LRP1B: variants seen among roughly 807,000 people sequenced by gnomAD.
The protein encoded by LRP1B is low-density lipoprotein receptor-related protein 1B.
A neutral mutation model predicts 556.6 loss-of-function variants in LRP1B; 217 were observed. The observed-to-expected ratio is 0.39, with a 90% CI of 0.35 to 0.44. The LOEUF is 0.44. LRP1B is among the 20% of genes least tolerant of loss of function. LRP1B has a pLI of 1.00. For missense variants in LRP1B, 5,053 were observed against 5,620.8 expected (o/e 0.90, Z 3.23); for synonymous variants, 2,047 against 1,865.8 (o/e 1.10, Z -2.50).
intron 41 of LRP1B, among the ~76,000 whole-genome samples, chr2:140,632,196 T>C (rs924057489): frequency 6.6e-6 from 1 of 152,190 alleles, no homozygotes; most frequent in African/African-American, 2.4e-5. Context: ...AACTCAGACC[T>C]ATATAAAGAT....
At chr2:140,748,749 GATATATATTAT>G (rs1688444766) in intron 35 of LRP1B, among the ~76,000 whole-genome samples, 1 of 87,070 alleles carries the variant, frequency 1.1e-5, no homozygotes, top group Non-Finnish European at 2.2e-5. Context: ...TATATAATAT[GATATATATTAT>G]ATACATGTAT....
intron 41 of LRP1B, among the ~76,000 whole-genome samples, chr2:140,642,797 T>A (rs1256497505): frequency 6.6e-6 from 1 of 152,098 alleles, no homozygotes; most frequent in Non-Finnish European, 1.5e-5. Flanking sequence ...TGAGCCGAGA[T>A]CGCGCCACTG....
At chr2:140,918,182 T>C (rs1694633544) in intron 21 of LRP1B, among the ~76,000 whole-genome samples, 1 of 105,638 alleles carries the variant, frequency 9.5e-6, no homozygotes, top group African/African-American at 3.4e-5. Flanking sequence ...TGTAGATTTC[T>C]ATTTTGTGTG....
intron 15 of LRP1B, among the ~76,000 whole-genome samples, chr2:141,000,864 A>G (rs1697398621): frequency 6.6e-6 from 1 of 151,896 alleles, no homozygotes; most frequent in South Asian, 2.1e-4. Context: ...TTTTCCCTGT[A>G]GTCTACAATG....
At chr2:141,830,781 G>GA (rs369622631) in intron 1 of LRP1B, among the ~76,000 whole-genome samples, 105 of 151,844 alleles carry the variant, frequency 6.9e-4, no homozygotes, top group African/African-American at 2.4e-3. Flanking sequence ...TGGTGTAACT[G>GA]AAAACCAAAA....
rs188694266 is a variant in LRP1B, at chr2:141,568,817, G to A, written c.206-88284C>T. On this transcript the variant is annotated intron_variant, in intron 2 of 90. Coordinates refer to ENST00000389484, the MANE Select transcript of LRP1B (RefSeq NM_018557.3). ...CACCCAGACTGGAGTGCAGTGGCAC[G>A]ATCTCAGCTCACTGCAACCTCCACC... Among the ~76,000 whole-genome samples the A allele has an allele frequency of 8.3e-4, 126 of 151,240 alleles. 5 individuals are homozygous for A. In the East Asian group the frequency reaches 0.019, roughly 23 times the overall value.
At chr2:141,847,280 T>A (rs1697686551) in intron 1 of LRP1B, among the ~76,000 whole-genome samples, 1 of 151,544 alleles carries the variant, frequency 6.6e-6, no homozygotes, top group African/African-American at 2.4e-5. Context: ...AAGGCCATCA[T>A]AAATGAACTT....
intron 41 of LRP1B, among the ~76,000 whole-genome samples, chr2:140,687,534 C>A (rs1425783190): frequency 6.6e-6 from 1 of 151,902 alleles, no homozygotes. Flanking sequence ...AGAAAAAAAT[C>A]TGTAAATGGA....
At chr2:141,545,422 C>A (rs1384807103) in intron 2 of LRP1B, among the ~76,000 whole-genome samples, 3 of 152,170 alleles carry the variant, frequency 2.0e-5, no homozygotes, top group African/African-American at 7.2e-5. Flanking sequence ...TGTCTTAATG[C>A]CCAGAACCTG....
intron 43 of LRP1B, among the ~76,000 whole-genome samples, chr2:140,594,092 C>T (rs1487946024): frequency 2.6e-5 from 4 of 152,016 alleles, no homozygotes; most frequent in Non-Finnish European, 5.9e-5. Flanking sequence ...ATTCTCCTGC[C>T]TCAGCCTCCC....
At chr2:140,496,809 G>A (rs1688964481) in intron 55 of LRP1B, among the ~76,000 whole-genome samples, 1 of 152,000 alleles carries the variant, frequency 6.6e-6, no homozygotes, top group African/African-American at 2.4e-5. Context: ...TGAGTAGGAT[G>A]TGAGTTAAGA....
intron 3 of LRP1B, among the ~76,000 whole-genome samples, chr2:141,471,861 A>G (rs1208626924): frequency 2.0e-5 from 3 of 152,202 alleles, no homozygotes; most frequent in African/African-American, 7.2e-5. Context: ...CCTCATACTC[A>G]TTATATTTTC....
At chr2:141,925,393 A>G in intron 1 of LRP1B, among the ~76,000 whole-genome samples, 1 of 152,196 alleles carries the variant, frequency 6.6e-6, no homozygotes, top group East Asian at 1.9e-4. Context: ...CATCACAGGA[A>G]GGTCATGCCT....
intron 2 of LRP1B, among the ~76,000 whole-genome samples, chr2:141,743,047 CAAAGAT>C (rs1693769036): frequency 6.6e-6 from 1 of 152,046 alleles, no homozygotes; most frequent in Non-Finnish European, 1.5e-5. Flanking sequence ...CATCTGCAAA[CAAAGAT>C]AATTTGACTT....
At chr2:140,479,032 G>A (rs115867620) in intron 59 of LRP1B, among the ~76,000 whole-genome samples, 1,693 of 151,846 alleles carry the variant, frequency 0.011, 40 homozygotes, top group African/African-American at 0.039. Flanking sequence ...GCCTATTTAA[G>A]TATTCGTCAA....
In LRP1B at chr2:141,749,831, G is replaced by A. The variant is rs757104191; in HGVS notation, c.205+60448C>T. 1.4e-4 allele frequency among the ~76,000 whole-genome samples: 22 copies of A among 152,100 alleles called. 1 individual carries two copies. Among genetic ancestry groups the A allele is most frequent in the Non-Finnish European group, 2.9e-4 (20 of 67,998 alleles). ...CCTGTGAGGTATGGCTTTACTTGCT[G>A]TAAAATATCCTGGGGATTGAAGGTG... On this transcript the variant is annotated intron_variant, in intron 2 of 90. Transcript: ENST00000389484.
intron 3 of LRP1B, among the ~76,000 whole-genome samples, chr2:141,331,776 A>G (rs1444584364): frequency 6.6e-6 from 1 of 152,084 alleles, no homozygotes; most frequent in Non-Finnish European, 1.5e-5. Context: ...GAATATAAAT[A>G]AATCTGAGCA....
At chr2:141,825,479 GA>G (rs368167924) in intron 1 of LRP1B, among the ~76,000 whole-genome samples, 101 of 152,232 alleles carry the variant, frequency 6.6e-4, no homozygotes, top group African/African-American at 2.3e-3. Flanking sequence ...AAGTCCTCTA[GA>G]AAATAAAAAG....
intron 1 of LRP1B, among the ~76,000 whole-genome samples, chr2:142,042,272 C>A (rs1473398756): frequency 6.6e-6 from 1 of 151,266 alleles, no homozygotes; most frequent in African/African-American, 2.4e-5. Flanking sequence ...ATTAAAACCC[C>A]AGAATTTAAA....
Sources: gnomAD v4.1 joint callset for allele counts (sites outside exome capture counted in the v4.1 genomes callset) on GRCh38, gnomAD v4.1.1 for gene constraint, MANE v1.5 for transcripts, NCBI Gene and HGNC (gene_info 2026-07-23, HGNC 2026-07-21) for gene names.